Variants in DSE observed in about 807,000 individuals in gnomAD.
DSE encodes dermatan sulfate epimerase, also known as dermatan-sulfate epimerase.
DSE carries 36 observed loss-of-function variants against 84.4 expected under a neutral mutation model. That is an observed-to-expected ratio of 0.43 (90% CI 0.33 to 0.56). DSE has a LOEUF of 0.56. Ranked by LOEUF, DSE falls within the 20% of genes least tolerant of loss-of-function variation. The pLI is 0.06. For synonymous variants in DSE, 410 were observed against 430.1 expected (o/e 0.95, Z 0.58); for missense variants, 862 against 1,169.6 (o/e 0.74, Z 3.84).
intron 1 of DSE, among the ~76,000 whole-genome samples, chr6:116,397,825 C>T (rs1346056495): frequency 1.3e-5 from 2 of 152,010 alleles, no homozygotes; most frequent in Non-Finnish European, 2.9e-5. Flanking sequence ...TTTACAAAAC[C>T]AAAACCACTG....
At chr6:116,365,385 C>T (rs530802782), upstream of DSE, among the ~76,000 whole-genome samples, 19 of 152,248 alleles carry the variant, frequency 1.2e-4, no homozygotes, top group South Asian at 3.7e-3. Context: ...TCCCAAGTAG[C>T]TGGGACTACA....
chr6:116,320,289 T>G (rs1235227378), intron 2 of DSE, among the ~76,000 whole-genome samples: 1 of 152,192 alleles, frequency 6.6e-6, no homozygotes, highest in Non-Finnish European at 1.5e-5. Context: ...CAGAATGTGT[T>G]CCTGCTTAGT....
chr6:116,401,748 A>G (rs942572465), intron 2 of DSE, among the ~76,000 whole-genome samples: 2 of 152,166 alleles, frequency 1.3e-5, no homozygotes, highest in African/African-American at 2.4e-5. Context: ...TTACAGTTCA[A>G]CTACCTCTGT....
chr6:116,399,066 T>G (rs2087251816), intron 1 of DSE, 132 bp from the exon 2 acceptor site: 1 of 730,498 alleles, frequency 1.4e-6, no homozygotes, highest in Non-Finnish European at 2.2e-6. Flanking sequence ...ATTAAATTTT[T>G]TTGTTGTATT....
chr6:116,286,261 G>A (rs891090349), intron 2 of DSE, among the ~76,000 whole-genome samples: 11 of 152,180 alleles, frequency 7.2e-5, no homozygotes, highest in African/African-American at 2.6e-4. Context: ...GGATTCCTAG[G>A]TATTTTATTC....
rs559958296 is a variant in DSE, at chr6:116,358,521, G to A, written c.-53-40677G>A. 1.1e-4 allele frequency among the ~76,000 whole-genome samples: 16 copies of A among 152,308 alleles called. No homozygotes were observed. In the South Asian group the frequency reaches 3.3e-3, roughly 32 times the overall value. On this transcript the variant is annotated intron_variant, in intron 2 of 3. Coordinates refer to the DSE transcript ENST00000430252. Reference sequence around the variant, plus strand: ...ATCCTTCCCAGTGGCAGGAACTGAAGACTCCAGATCAACCAGGTGGACCTT... The same window carrying A: ...ATCCTTCCCAGTGGCAGGAACTGAAAACTCCAGATCAACCAGGTGGACCTT...
intron 2 of DSE, among the ~76,000 whole-genome samples, chr6:116,341,830 C>T (rs1357795097): frequency 3.9e-5 from 6 of 152,144 alleles, no homozygotes; most frequent in Non-Finnish European, 8.8e-5. Context: ...TCTGAGGCTT[C>T]TGCCTGTACC....
At position 116,371,081 on chromosome 6, in the gene DSE, C is replaced by T. The variant is rs1260838601; in HGVS notation, c.-94C>T. ...GACCGGGAGCTGGCTCTGGAGGCTG[C>T]GGAGGCGACGCCGGAGAGAACGAAG... On this transcript the variant is annotated 5_prime_UTR_variant, in exon 1 of 6. Transcript: ENST00000644252. 2 of 985,976 alleles carry T rather than the reference C, an allele frequency of 2.0e-6. No individual in the cohort carries two copies. Among genetic ancestry groups the T allele is most frequent in the African/African-American group, 1.7e-5 (1 of 57,256 alleles). The allele number at this position is 985,976 out of a possible 1,614,324, so 61.1% of individuals were successfully genotyped here. A position where few individuals can be genotyped will look rare whatever the true frequency, so the allele number is the denominator to read the frequency against.
chr6:116,393,846 T>G (rs977585743), intron 1 of DSE, among the ~76,000 whole-genome samples: 1 of 152,242 alleles, frequency 6.6e-6, no homozygotes, highest in Non-Finnish European at 1.5e-5. Flanking sequence ...CTGAAGCCTG[T>G]GGAATTGAAA....
intron 2 of DSE, among the ~76,000 whole-genome samples, chr6:116,352,863 G>T (rs1331101930): frequency 1.3e-5 from 2 of 152,058 alleles, no homozygotes; most frequent in East Asian, 3.9e-4. Flanking sequence ...CCACGTACAT[G>T]CCCCACACGT....
chr6:116,356,274 T>C (rs1180456509), intron 2 of DSE, among the ~76,000 whole-genome samples: 1 of 152,254 alleles, frequency 6.6e-6, no homozygotes, highest in African/African-American at 2.4e-5. Context: ...ATGTAGCTCC[T>C]GCTCCCATCC....
At chr6:116,377,706 A>C (rs1780007325) in intron 1 of DSE, among the ~76,000 whole-genome samples, 1 of 152,210 alleles carries the variant, frequency 6.6e-6, no homozygotes, top group Non-Finnish European at 1.5e-5. Flanking sequence ...AAAAATCAGT[A>C]GGTCATTTAA....
At chr6:116,329,293 AAT>A (rs1358518396) in intron 2 of DSE, among the ~76,000 whole-genome samples, 4 of 152,204 alleles carry the variant, frequency 2.6e-5, no homozygotes, top group Non-Finnish European at 5.9e-5. Flanking sequence ...TCTGTGTTTA[AAT>A]ACAGGCTTAC....
intron 2 of DSE, among the ~76,000 whole-genome samples, chr6:116,332,248 A>G (rs1776994253): frequency 6.6e-6 from 1 of 152,208 alleles, no homozygotes; most frequent in Admixed American, 6.5e-5. Context: ...AGAGACATTA[A>G]AAAAGACAAA....
chr6:116,368,517 A>G (rs2114903481), upstream of DSE, among the ~76,000 whole-genome samples: 1 of 152,346 alleles, frequency 6.6e-6, no homozygotes, highest in Non-Finnish European at 1.5e-5. Context: ...AGTGCTGAAC[A>G]CTGCATTGAG....
Position 116,433,431 on chromosome 6 carries a change from C to T in DSE, c.999C>T (p.Val333=). Residue 333 remains valine (V), a synonymous_variant, in exon 5 of 6, where the codon GTC becomes GTT. Coordinates refer to ENST00000644252, the MANE Select transcript of DSE (RefSeq NM_013352.4). ...AATTAGTGTTCCTTGATAAATTTGT[C>T]ATGCGTAATGGCAGTGGTAACTGGC... ...ESQLVFLDKF[V]MRNGSGNWLA... 6.4e-7 allele frequency: 1 copy of T among 1,551,894 alleles called. No individual in the cohort carries two copies. The highest frequency in any genetic ancestry group is 8.7e-7 in the Non-Finnish European group (1 of 1,147,134).
intron 2 of DSE, among the ~76,000 whole-genome samples, chr6:116,342,085 G>A (rs536333965): frequency 6.6e-6 from 1 of 152,032 alleles, no homozygotes; most frequent in African/African-American, 2.4e-5. Flanking sequence ...ATATTTTTTT[G>A]TCTACAAGTT....
At chr6:116,279,267 C>G in intron 2 of DSE, 27 of 1,604,246 alleles carry the variant, frequency 1.7e-5, no homozygotes, top group Non-Finnish European at 2.2e-5. Flanking sequence ...CCTCCATCTG[C>G]TCCTCCATTA....
intron 3 of DSE, among the ~76,000 whole-genome samples, chr6:116,429,979 A>C (rs1783716726): frequency 6.6e-6 from 1 of 151,618 alleles, no homozygotes; most frequent in South Asian, 2.1e-4. Context: ...AAGAAATATG[A>C]GGAGTTGTTA....
Sources: allele counts gnomAD v4.1 joint callset (sites outside exome capture counted in the v4.1 genomes callset), GRCh38; gene constraint gnomAD v4.1.1; transcripts MANE v1.5; gene names NCBI Gene and HGNC (gene_info 2026-07-23, HGNC 2026-07-21).